The following RBFOX1 variants were observed in gnomAD, a reference collection of about 807,000 sequenced individuals.
The protein encoded by RBFOX1 is RNA binding protein fox-1 homolog 1.
RBFOX1 carries 8 observed loss-of-function variants against 57.7 expected under a neutral mutation model. That is an observed-to-expected ratio of 0.14 (90% CI 0.08 to 0.25). RBFOX1 has a LOEUF of 0.25. Among genes scored for constraint, RBFOX1 ranks in the 10% least tolerant of loss-of-function variants. The probability of loss-of-function intolerance (pLI) is 1.00; values close to 1 mark genes in which losing one functional copy is unlikely to be tolerated. For missense variants in RBFOX1, 611 were observed against 548.5 expected, an observed-to-expected ratio of 1.11 and a Z score of -1.14; for synonymous variants, 326 against 222.4, an observed-to-expected ratio of 1.47 and a Z score of -4.15.
At chr16:5,378,346 C>T (rs985914027) in intron 1 of RBFOX1, among the ~76,000 whole-genome samples, 4 of 151,556 alleles carry the variant, frequency 2.6e-5, no homozygotes, top group Non-Finnish European at 5.9e-5. Context: ...GACTCTCGCT[C>T]TCCAACACCT....
At chr16:5,803,718 A>G (rs2055134974) in intron 3 of RBFOX1, among the ~76,000 whole-genome samples, 1 of 152,208 alleles carries the variant, frequency 6.6e-6, no homozygotes, top group Non-Finnish European at 1.5e-5. Flanking sequence ...CAGAGTGGGT[A>G]TATCAGAGTG....
chr16:6,196,964 A>G (rs1021156168), intron 1 of RBFOX1, among the ~76,000 whole-genome samples: 2 of 152,282 alleles, frequency 1.3e-5, no homozygotes, highest in African/African-American at 2.4e-5. Flanking sequence ...AGCATCTACT[A>G]TGTGCTTTCT....
chr16:5,321,222 T>C (rs1340584899), intron 1 of RBFOX1, among the ~76,000 whole-genome samples: 1 of 152,134 alleles, frequency 6.6e-6, no homozygotes, highest in Non-Finnish European at 1.5e-5. Flanking sequence ...CAACTAAAAA[T>C]GTCTCCAGAC....
chr16:7,315,843 A>C (rs984319898), intron 4 of RBFOX1, among the ~76,000 whole-genome samples: 1 of 152,182 alleles, frequency 6.6e-6, no homozygotes, highest in African/African-American at 2.4e-5. Context: ...TCTACATGGC[A>C]CAAGACAGCA....
At chr16:5,699,812 A>T (rs1283235259) in intron 3 of RBFOX1, among the ~76,000 whole-genome samples, 1 of 152,112 alleles carries the variant, frequency 6.6e-6, no homozygotes, top group Admixed American at 6.5e-5. Flanking sequence ...AGCAGACATT[A>T]TCTTTGTGTT....
chr16:7,506,337 G>A (rs535392770), intron 4 of RBFOX1, among the ~76,000 whole-genome samples: 2 of 152,032 alleles, frequency 1.3e-5, no homozygotes, highest in East Asian at 3.9e-4. Context: ...ACAGATTTGG[G>A]TACCTGGCAC....
intron 2 of RBFOX1, among the ~76,000 whole-genome samples, chr16:5,557,897 T>A (rs955382131): frequency 6.6e-6 from 1 of 151,964 alleles, no homozygotes; most frequent in Non-Finnish European, 1.5e-5. Flanking sequence ...GACAAACAGC[T>A]GAAGGTCAGA....
At chr16:6,415,476 G>T (rs1319287384) in intron 2 of RBFOX1, among the ~76,000 whole-genome samples, 1 of 151,810 alleles carries the variant, frequency 6.6e-6, no homozygotes, top group Admixed American at 6.6e-5. Context: ...GTCGAGGAGG[G>T]CGGATCACGA....
rs143134358 is a variant in RBFOX1 at position 6,416,194 on chromosome 16, G to A, written c.-64+99137G>A. 3.9e-3 allele frequency among the ~76,000 whole-genome samples: 598 copies of A among 152,296 alleles called. 2 individuals are homozygous for A. Among genetic ancestry groups the A allele is most frequent in the African/African-American group, 0.014 (562 of 41,554 alleles). ...AATTGTTTGAGTCTCTCGCTTATGCGGAAGGAGAAGGGCTCCTCTGTAATT... is the reference window on the plus strand; with the variant it reads ...AATTGTTTGAGTCTCTCGCTTATGCAGAAGGAGAAGGGCTCCTCTGTAATT... On this transcript the variant is annotated intron_variant, in intron 2 of 15. Coordinates refer to ENST00000550418, the MANE Select transcript of RBFOX1 (RefSeq NM_018723.4).
At chr16:7,068,799 G>C (rs1050255370) in intron 4 of RBFOX1, among the ~76,000 whole-genome samples, 18 of 152,156 alleles carry the variant, frequency 1.2e-4, no homozygotes, top group African/African-American at 4.3e-4. Flanking sequence ...ATGTTGGCCA[G>C]GCTGGTCTCG....
intron 1 of RBFOX1, among the ~76,000 whole-genome samples, chr16:6,136,953 C>G (rs2096671511): frequency 6.6e-6 from 1 of 152,160 alleles, no homozygotes; most frequent in Admixed American, 6.5e-5. Flanking sequence ...GGATAACGAA[C>G]CATAAAGTTT....
chr16:7,684,357 G>C (rs544698192), intron 14 of RBFOX1, among the ~76,000 whole-genome samples: 1 of 152,208 alleles, frequency 6.6e-6, no homozygotes, highest in African/African-American at 2.4e-5. Flanking sequence ...GGGGATGGGA[G>C]TCTGTGGGGC....
At chr16:6,758,343 T>C (rs894224332) in intron 3 of RBFOX1, among the ~76,000 whole-genome samples, 1 of 152,112 alleles carries the variant, frequency 6.6e-6, no homozygotes, top group Non-Finnish European at 1.5e-5. Flanking sequence ...CACGACATAA[T>C]AGATTTATCA....
At chr16:6,363,510 C>G (rs1600130167) in intron 2 of RBFOX1, among the ~76,000 whole-genome samples, 1 of 151,860 alleles carries the variant, frequency 6.6e-6, no homozygotes, top group East Asian at 2.0e-4. Context: ...TAATTGCGTT[C>G]TTTGGAATTG....
intron 1 of RBFOX1, among the ~76,000 whole-genome samples, chr16:5,447,523 G>A (rs1197748617): frequency 6.6e-6 from 1 of 151,748 alleles, no homozygotes; most frequent in South Asian, 2.1e-4. Flanking sequence ...TCAGCCTCCC[G>A]AATAGCTGGG....
intron 2 of RBFOX1, among the ~76,000 whole-genome samples, chr16:5,562,698 C>T (rs1021900487): frequency 1.3e-5 from 2 of 152,134 alleles, no homozygotes; most frequent in Non-Finnish European, 2.9e-5. Flanking sequence ...CATTCCCCTG[C>T]TTCTGGTATG....
At chr16:7,416,728 G>T (rs551119757) in intron 4 of RBFOX1, among the ~76,000 whole-genome samples, 1 of 148,606 alleles carries the variant, frequency 6.7e-6, no homozygotes, top group African/African-American at 2.6e-5. Flanking sequence ...CTTTAGGGAT[G>T]TTTTTTTTTC....
chr16:5,774,170 C>T (rs913121787), intron 3 of RBFOX1, among the ~76,000 whole-genome samples: 1 of 152,120 alleles, frequency 6.6e-6, no homozygotes, highest in African/African-American at 2.4e-5. Flanking sequence ...TTATCCCCAT[C>T]ATGCAGATGT....
chr16:7,141,251 C>G (rs960229869), intron 4 of RBFOX1, among the ~76,000 whole-genome samples: 9 of 152,222 alleles, frequency 5.9e-5, no homozygotes, highest in African/African-American at 2.2e-4. Context: ...TCCTGCCCTT[C>G]AAGGAGTTAA....
Sources: allele counts gnomAD v4.1 joint callset (sites outside exome capture counted in the v4.1 genomes callset), GRCh38; gene constraint gnomAD v4.1.1; transcripts MANE v1.5; gene names NCBI Gene and HGNC (gene_info 2026-07-23, HGNC 2026-07-21).